The following DOCK1 variants were observed in gnomAD, a reference collection of about 807,000 sequenced individuals.
The protein encoded by DOCK1 is dedicator of cytokinesis protein 1.
A neutral mutation model predicts 262.7 loss-of-function variants in DOCK1; 138 were observed. That is an observed-to-expected ratio of 0.53 (90% CI 0.46 to 0.61). The LOEUF is 0.61. DOCK1 is among the 20% of genes least tolerant of loss of function. DOCK1 has a pLI of 0.00. For missense variants in DOCK1, 1,908 were observed against 2,370.7 expected, an observed-to-expected ratio of 0.80 and a Z score of 4.05; for synonymous variants, 866 against 867.4, an observed-to-expected ratio of 1.00 and a Z score of 0.03.
chr10:127,193,804 C>T (rs931440893), intron 27 of DOCK1, among the ~76,000 whole-genome samples: 24 of 152,146 alleles, frequency 1.6e-4, no homozygotes, highest in Non-Finnish European at 8.8e-5. Flanking sequence ...TTTCCTGCCA[C>T]AGGGGAAAAC....
At chr10:126,996,936 A>G in intron 7 of DOCK1, 53 bp downstream of exon 7, 1 of 1,502,682 alleles carries the variant, frequency 6.7e-7, no homozygotes, top group Non-Finnish European at 8.8e-7. Context: ...ATAAGTTTTC[A>G]ACATTAGTAA....
intron 27 of DOCK1, among the ~76,000 whole-genome samples, chr10:127,223,782 A>G (rs891997219): frequency 1.3e-5 from 2 of 152,190 alleles, no homozygotes; most frequent in Non-Finnish European, 2.9e-5. Context: ...CTTTTTAAGA[A>G]GTGGCCTTTT....
chr10:127,361,316 G>T (rs375044095), intron 32 of DOCK1, among the ~76,000 whole-genome samples: 1 of 151,842 alleles, frequency 6.6e-6, no homozygotes, highest in Non-Finnish European at 1.5e-5. Flanking sequence ...GTGTCTCACC[G>T]TGTTAGCCAG....
intron 27 of DOCK1, among the ~76,000 whole-genome samples, chr10:127,238,891 A>T (rs1253558325): frequency 4.6e-5 from 7 of 152,162 alleles, no homozygotes; most frequent in African/African-American, 1.7e-4. Context: ...CATGGTTTTG[A>T]ATCTTCTTGT....
chr10:126,952,115 T>G (rs959154069), intron 1 of DOCK1, among the ~76,000 whole-genome samples: 25,426 of 151,948 alleles, frequency 0.17, 2,813 homozygotes, highest in Middle Eastern at 0.26. Context: ...CCCAGAGGGG[T>G]GGGATTACAG....
chr10:127,375,955 G>A (rs1404468045), intron 35 of DOCK1, among the ~76,000 whole-genome samples: 8 of 152,196 alleles, frequency 5.3e-5, no homozygotes. Flanking sequence ...GAGAACCACA[G>A]AGTGGAAGCC....
chr10:127,110,249 AAAATGTT>A lies in DOCK1; in HGVS notation c.2519_2525del (p.Lys840IlefsTer13), dbSNP rs2136246272. The A allele has an allele frequency of 6.2e-7, 1 of 1,612,050 alleles. No individual in the cohort carries two copies. Among genetic ancestry groups the A allele is most frequent in the South Asian group, 1.1e-5 (1 of 90,374 alleles). The stretch of plus-strand genomic sequence containing the variant: ...TTTCCCTTGTGTTTTTCCTCACAGC[AAAATGTT>A]TACTGAATTCATCCTCAATGTTCCC... On this transcript the variant is annotated frameshift_variant and splice_region_variant, in exon 25 of 52. Coordinates refer to ENST00000623213, the MANE Select transcript of DOCK1 (RefSeq NM_001290223.2). LOFTEE classifies it high-confidence loss of function.
At chr10:127,126,768 G>A (rs1366058796) in intron 26 of DOCK1, among the ~76,000 whole-genome samples, 7 of 152,124 alleles carry the variant, frequency 4.6e-5, no homozygotes, top group African/African-American at 1.7e-4. Flanking sequence ...GGATTTCTAA[G>A]TAGATAAGGC....
chr10:127,157,510 A>G (rs1286318130), intron 27 of DOCK1, among the ~76,000 whole-genome samples: 3 of 152,262 alleles, frequency 2.0e-5, no homozygotes, highest in African/African-American at 4.8e-5. Context: ...CTCTCCTTCT[A>G]TAACATCATT....
chr10:127,404,845 C>T (rs1275128747), intron 40 of DOCK1, among the ~76,000 whole-genome samples: 1 of 152,166 alleles, frequency 6.6e-6, no homozygotes, highest in East Asian at 1.9e-4. Context: ...TAAACACGAA[C>T]TCCCCATTCT....
At chr10:126,994,571 C>T (rs973008880) in intron 6 of DOCK1, among the ~76,000 whole-genome samples, 1 of 152,210 alleles carries the variant, frequency 6.6e-6, no homozygotes, top group African/African-American at 2.4e-5. Flanking sequence ...GCACATCTTG[C>T]ACCGCCCTTA....
At chr10:127,103,783 T>C (rs549263917) in intron 23 of DOCK1, among the ~76,000 whole-genome samples, 1 of 152,302 alleles carries the variant, frequency 6.6e-6, no homozygotes, top group Non-Finnish European at 1.5e-5. Context: ...TTTGTGAATG[T>C]AGGTTTTCAC....
intron 28 of DOCK1, among the ~76,000 whole-genome samples, chr10:127,252,083 TG>T (rs2059669190): frequency 6.7e-6 from 1 of 149,918 alleles, no homozygotes; most frequent in African/African-American, 2.4e-5. Context: ...CCATTCTAAC[TG>T]GTGTGAGATG....
intron 27 of DOCK1, among the ~76,000 whole-genome samples, chr10:127,237,411 G>A (rs1049693430): frequency 1.3e-4 from 20 of 151,336 alleles, no homozygotes; most frequent in African/African-American, 4.4e-4. Flanking sequence ...TGAAAAGAGC[G>A]AGGGTGATGT....
In DOCK1 at chr10:127,277,006, A is replaced by G. The variant is rs114401129; in HGVS notation, c.3044+19577A>G. ...GATCACGTTGATGTGGAGGGGCCTC[A>G]TCTCTCTGGTCCAGCTGGAAATGTG... is the stretch of plus-strand genomic sequence containing the variant. On this transcript the variant is annotated intron_variant, in intron 29 of 51. Coordinates refer to ENST00000623213, the MANE Select transcript of DOCK1 (RefSeq NM_001290223.2). Among the ~76,000 whole-genome samples the G allele has an allele frequency of 3.2e-3, 490 of 152,240 alleles. 1 individual carries two copies. The highest frequency in any genetic ancestry group is 0.01 in the Middle Eastern group (3 of 294).
chr10:126,954,399 T>C (rs957115436), intron 1 of DOCK1, among the ~76,000 whole-genome samples: 38,443 of 152,116 alleles, frequency 0.25, 5,011 homozygotes, highest in Middle Eastern at 0.3. Context: ...TCTTGAAATG[T>C]TTTTTCTATT....
rs2040073840 is a variant in DOCK1, at chr10:126,995,010, G to A, written c.474-1738G>A. Among the ~76,000 whole-genome samples the A allele has an allele frequency of 6.6e-6, 1 of 151,604 alleles. No homozygotes were observed. Among genetic ancestry groups the A allele is most frequent in the Non-Finnish European group, 1.5e-5 (1 of 67,926 alleles). On this transcript the variant is annotated intron_variant, in intron 6 of 51. Coordinates refer to ENST00000623213, the MANE Select transcript of DOCK1 (RefSeq NM_001290223.2). The surrounding 1 kb of genome is among the most constrained non-coding windows in gnomAD (Gnocchi z 5.8). ...CTCCTCACCTCCCAGACGGGGTGGCGGCGGGGCAGAGACACTCCTCAGTTC... is the reference window on the plus strand; with the variant it reads ...CTCCTCACCTCCCAGACGGGGTGGCAGCGGGGCAGAGACACTCCTCAGTTC...
At chr10:127,153,150 C>T (rs910420776) in intron 27 of DOCK1, among the ~76,000 whole-genome samples, 4 of 152,090 alleles carry the variant, frequency 2.6e-5, no homozygotes, top group Non-Finnish European at 4.4e-5. Flanking sequence ...CATTTCTCAC[C>T]GCTTTTATAT....
chr10:127,114,754 TC>T (rs1421133450), intron 25 of DOCK1, among the ~76,000 whole-genome samples: 3 of 116,072 alleles, frequency 2.6e-5, no homozygotes, highest in Non-Finnish European at 5.0e-5. Context: ...TCCTTTTTTT[TC>T]TTTCTTTTTT....
Sources: allele counts gnomAD v4.1 joint callset (sites outside exome capture counted in the v4.1 genomes callset), GRCh38; gene constraint gnomAD v4.1.1; non-coding constraint Gnocchi (gnomAD v3.1); transcripts MANE v1.5; gene names NCBI Gene and HGNC (gene_info 2026-07-23, HGNC 2026-07-21).